GPATCH2: variants seen among roughly 807,000 people sequenced by gnomAD.
GPATCH2 encodes the protein G patch domain-containing protein 2.
Under a neutral mutation model 58.0 loss-of-function variants are expected in GPATCH2, and 51 were observed. The ratio of observed to expected loss-of-function variants is 0.88; its 90% confidence interval spans 0.70 to 1.11. The LOEUF (loss-of-function observed/expected upper bound fraction) is 1.11. Ranked by LOEUF, GPATCH2 falls within the 50% of genes most tolerant of loss-of-function variation. GPATCH2 has a pLI of 0.00. For missense variants in GPATCH2, 625 were observed against 652.2 expected (o/e 0.96, Z 0.45); for synonymous variants, 222 against 218.5 (o/e 1.02, Z -0.14).
chr1:217,612,585 C>T (rs1349956991), intron 3 of GPATCH2, among the ~76,000 whole-genome samples: 1 of 152,138 alleles, frequency 6.6e-6, no homozygotes, highest in Non-Finnish European at 1.5e-5. Context: ...AGGACTTTTA[C>T]TGAGCTTTAC....
rs1024195020 is a variant in GPATCH2 at position 217,631,072 on chromosome 1, T to C, written c.-101A>G. On this transcript the variant is annotated 5_prime_UTR_variant, in exon 1 of 10. Transcript: ENST00000366935. Reference sequence around the variant, plus strand: ...CAAAGAGCAGTTCAGCATTTTGAGATGAGCTTCCGGAAGCCGACAGGCGGC... The same window carrying C: ...CAAAGAGCAGTTCAGCATTTTGAGACGAGCTTCCGGAAGCCGACAGGCGGC... The C allele has an allele frequency of 1.7e-5, 20 of 1,181,156 alleles. No homozygotes were observed. The East Asian group carries it at 1.8e-4, about 11-fold the overall frequency. The allele number at this position is 1,181,156 out of a possible 1,614,324, so 73.2% of individuals were successfully genotyped here.
chr1:217,512,908 G>C (rs1458261621), intron 6 of GPATCH2, among the ~76,000 whole-genome samples: 1 of 152,214 alleles, frequency 6.6e-6, no homozygotes, highest in Non-Finnish European at 1.5e-5. Flanking sequence ...CAAGAGAGGA[G>C]AGAGAATTGC....
At chr1:217,466,945 G>A (rs995312095) in intron 8 of GPATCH2, among the ~76,000 whole-genome samples, 2 of 152,198 alleles carry the variant, frequency 1.3e-5, no homozygotes, top group Admixed American at 6.5e-5. Flanking sequence ...GGCTGAGGCA[G>A]GCGGATTGCC....
At chr1:217,584,344 AATATATAT>A (rs71556690) in intron 5 of GPATCH2, among the ~76,000 whole-genome samples, 8 of 101,862 alleles carry the variant, frequency 7.9e-5, no homozygotes, top group African/African-American at 2.0e-4. Flanking sequence ...AAAAAAAAAA[AATATATAT>A]ATATATATAT....
chr1:217,496,664 C>G (rs1662023013), intron 7 of GPATCH2, among the ~76,000 whole-genome samples: 1 of 152,040 alleles, frequency 6.6e-6, no homozygotes, highest in South Asian at 2.1e-4. Flanking sequence ...AATGAATCAA[C>G]AACAGACATT....
chr1:217,481,928 A>C (rs1661228435), intron 8 of GPATCH2, among the ~76,000 whole-genome samples: 2 of 152,186 alleles, frequency 1.3e-5, no homozygotes. Flanking sequence ...ATACAGGAAA[A>C]ATAGAAACAA....
chr1:217,482,957 A>G (rs1156239929), intron 8 of GPATCH2, among the ~76,000 whole-genome samples: 1 of 152,002 alleles, frequency 6.6e-6, no homozygotes, highest in African/African-American at 2.4e-5. Context: ...GCTTTCTTTC[A>G]CTATGTAGTA....
chr1:217,532,021 T>G (rs1480321807), intron 5 of GPATCH2, among the ~76,000 whole-genome samples: 1 of 152,232 alleles, frequency 6.6e-6, no homozygotes, highest in Admixed American at 6.5e-5. Flanking sequence ...AATAGGATAC[T>G]GTCTATCATA....
chr1:217,578,405 C>G (rs942455703), intron 5 of GPATCH2, among the ~76,000 whole-genome samples: 1 of 151,968 alleles, frequency 6.6e-6, no homozygotes, highest in South Asian at 2.1e-4. Context: ...CACATGCCAC[C>G]AGGCCCGACT....
At chr1:217,447,742 C>A (rs943532961) in intron 9 of GPATCH2, among the ~76,000 whole-genome samples, 10 of 152,254 alleles carry the variant, frequency 6.6e-5, no homozygotes, top group Non-Finnish European at 1.2e-4. Flanking sequence ...ATTAGAAGTG[C>A]TCCAATTTTA....
intron 5 of GPATCH2, among the ~76,000 whole-genome samples, chr1:217,560,826 C>T (rs1414863802): frequency 6.6e-6 from 1 of 152,166 alleles, no homozygotes; most frequent in Non-Finnish European, 1.5e-5. Context: ...GTCTGTCTCC[C>T]ATGGCGGTTA....
intron 2 of GPATCH2, among the ~76,000 whole-genome samples, chr1:217,618,221 CTTT>C (rs34863823): frequency 5.2e-4 from 65 of 124,708 alleles, no homozygotes; most frequent in African/African-American, 1.2e-3. Context: ...CCTCTGGAAA[CTTT>C]TTTTTTTTTT....
intron 8 of GPATCH2, among the ~76,000 whole-genome samples, chr1:217,457,956 G>T (rs577129506): frequency 1.3e-5 from 2 of 152,112 alleles, no homozygotes; most frequent in Non-Finnish European, 2.9e-5. Flanking sequence ...GGCCGGGCGC[G>T]GTGGCTCACG....
intron 5 of GPATCH2, among the ~76,000 whole-genome samples, chr1:217,552,948 G>A (rs1174213012): frequency 6.6e-6 from 1 of 152,086 alleles, no homozygotes. Flanking sequence ...ATCATCTCAG[G>A]AGTGTGAATT....
At chr1:217,492,676 C>T (rs1490863945) in intron 7 of GPATCH2, 1 of 152,194 alleles carries the variant, frequency 6.6e-6, no homozygotes, top group Admixed American at 6.5e-5. Context: ...CTTAACTTCT[C>T]TAAGCCTTGG....
chr1:217,469,071 AT>A (rs926779231), intron 8 of GPATCH2, among the ~76,000 whole-genome samples: 2 of 152,154 alleles, frequency 1.3e-5, no homozygotes, highest in African/African-American at 4.8e-5. Context: ...TTGAAATTAA[AT>A]TAAGTTATCC....
At chr1:217,554,130 C>T (rs1196620341) in intron 5 of GPATCH2, among the ~76,000 whole-genome samples, 4 of 152,232 alleles carry the variant, frequency 2.6e-5, no homozygotes, top group Non-Finnish European at 5.9e-5. Flanking sequence ...AAGTGGGTGA[C>T]AACAGAAGCC....
At chr1:217,580,436 C>A (rs1236092388) in intron 5 of GPATCH2, among the ~76,000 whole-genome samples, 3 of 152,108 alleles carry the variant, frequency 2.0e-5, no homozygotes, top group African/African-American at 4.8e-5. Flanking sequence ...AACAATTTTA[C>A]TTCTAGAAAA....
intron 3 of GPATCH2, among the ~76,000 whole-genome samples, chr1:217,611,788 T>A: frequency 6.6e-6 from 1 of 152,124 alleles, no homozygotes; most frequent in East Asian, 1.9e-4. Flanking sequence ...TACCTTAGAG[T>A]TTATGAAGAA....
Sources: gnomAD v4.1 joint callset for allele counts (sites outside exome capture counted in the v4.1 genomes callset) on GRCh38, gnomAD v4.1.1 for gene constraint, MANE v1.5 for transcripts, NCBI Gene and HGNC (gene_info 2026-07-23, HGNC 2026-07-21) for gene names.